ZBP1: variants seen among roughly 807,000 people sequenced by gnomAD.
ZBP1 encodes the protein Z-DNA binding protein 1.
A neutral mutation model predicts 41.1 loss-of-function variants in ZBP1; 42 were observed. The ratio of observed to expected loss-of-function variants is 1.02; its 90% CI spans 0.80 to 1.32. The LOEUF is 1.32. ZBP1 is among the 40% of genes most tolerant of loss of function. The pLI, the probability that ZBP1 is intolerant of heterozygous loss-of-function variation, is 0.00. For missense variants in ZBP1, 562 were observed against 549.7 expected, an observed-to-expected ratio of 1.02 and a Z score of -0.22; for synonymous variants, 214 against 205.2, an observed-to-expected ratio of 1.04 and a Z score of -0.37.
intron 1 of ZBP1, among the ~76,000 whole-genome samples, chr20:57,618,836 C>T (rs2070918032): frequency 1.3e-5 from 2 of 152,210 alleles, no homozygotes; most frequent in South Asian, 4.1e-4. Context: ...GCAACTCAGC[C>T]TCCCAAAGTG....
chr20:57,604,804 G>A (rs746106294), intron 7 of ZBP1, 35 bp from the exon 8 acceptor site: 2 of 1,593,702 alleles, frequency 1.3e-6, no homozygotes, highest in Middle Eastern at 1.7e-4. Context: ...AGCTTCATGG[G>A]CACGTGGCCT....
intron 3 of ZBP1, 105 bp downstream of exon 3, chr20:57,615,407 G>T: frequency 8.0e-7 from 1 of 1,249,982 alleles, no homozygotes; most frequent in Non-Finnish European, 1.2e-6. Context: ...GGGTGGGACA[G>T]GGCCCCTGAA....
In ZBP1 at chr20:57,611,759, C is replaced by G. The variant is rs1226346871; in HGVS notation, c.842G>C (p.Gly281Ala). 5 of 1,612,072 alleles carry G rather than the reference C, an allele frequency of 3.1e-6. No homozygotes were observed. The highest frequency in any genetic ancestry group is 4.2e-6 in the Non-Finnish European group (5 of 1,179,520). ...GCTGCCAGGGGGGATGTGGGCAGGG[C>G]CCTCGGACGGGACGCCGTGGAGCCT... ...EMRLHGVPSE[G>A]PAHIPPGSPP... is the part of the protein sequence containing the mutation. The change falls in exon 6 of 8, where the codon GGC (glycine) becomes GCC (alanine). Residue 281 changes from glycine (G) to alanine (A), a missense_variant. Gly to Ala is a moderately conservative substitution (Grantham distance 60). Coordinates refer to ENST00000371173, the MANE Select transcript of ZBP1 (RefSeq NM_030776.3).
chr20:57,613,031 G>A lies in ZBP1; in HGVS notation c.670+132C>T. 1.3e-6 allele frequency: 2 copies of A among 1,516,940 alleles called. No individual in the cohort carries two copies. The highest frequency in any genetic ancestry group is 2.5e-5 in the South Asian group (2 of 79,288). 94.0% of individuals were successfully genotyped at this position (1,516,940 alleles called of 1,614,324 possible). A position where few individuals can be genotyped will look rare whatever the true frequency, so the allele number is the denominator to read the frequency against. ...GGACGGCCGTAAAGGTGGACTGTGG[G>A]GGTCTGGAAGCAACCCTTTCCCCTT... On this transcript the variant is annotated intron_variant, in intron 5 of 7. Transcript: ENST00000371173. This position sits in a 1 kb window ranked among gnomAD's most constrained non-coding sequence, Gnocchi z 4.5.
intron 1 of ZBP1, 157 bp from the exon 2 acceptor site, chr20:57,616,625 C>A: frequency 1.5e-6 from 1 of 686,784 alleles, no homozygotes; most frequent in Non-Finnish European, 2.4e-6. Flanking sequence ...CCCCTAAGAG[C>A]AGTAGGGCAG....
Position 57,616,478 on chromosome 20 carries a change from C to G in ZBP1, c.35-10G>C, listed in dbSNP as rs769728493. The G allele has an allele frequency of 1.2e-6, 2 of 1,612,466 alleles. No homozygotes were observed. The highest frequency in any genetic ancestry group is 1.1e-5 in the South Asian group (1 of 91,014). The stretch of plus-strand genomic sequence containing the variant: ...CTTTGTTCAAGGTGGCCTGGGGGAG[C>G]GAGCGGGGGACAGAGAGGGGAACTG... On this transcript the variant is annotated splice_polypyrimidine_tract_variant and intron_variant, in intron 1 of 7. Coordinates refer to ENST00000371173, the MANE Select transcript of ZBP1 (RefSeq NM_030776.3).
rs1486403335 is a variant in ZBP1 at position 57,614,140 on chromosome 20, T to C, written c.502+747A>G. ...ACCTCTGCCTCCTAGGTTCAAGCTA[T>C]TCTCTTACCTCAGCCTCCCGAGTAG... On this transcript the variant is annotated intron_variant, in intron 4 of 7. Transcript: ENST00000371173. Among the ~76,000 whole-genome samples, 3 of 152,136 alleles carry C rather than the reference T, an allele frequency of 2.0e-5. No individual in the cohort carries two copies. In the East Asian group the frequency reaches 5.8e-4, roughly 29 times the overall value.
At chr20:57,609,275 A>G (rs2070582772) in intron 7 of ZBP1, among the ~76,000 whole-genome samples, 1 of 152,188 alleles carries the variant, frequency 6.6e-6, no homozygotes, top group Admixed American at 6.5e-5. Context: ...GCAGAGTTGG[A>G]ATCCTCAGGC....
In ZBP1 at chr20:57,613,407, A is replaced by T. The variant is rs2070730594; in HGVS notation, c.503-77T>A. 6.0e-6 allele frequency: 9 copies of T among 1,489,962 alleles called. No individual in the cohort carries two copies. The highest frequency in any genetic ancestry group is 8.2e-6 in the Non-Finnish European group (9 of 1,093,240). The allele number at this position is 1,489,962 out of a possible 1,614,324, so 92.3% of individuals were successfully genotyped here. ...GTTCCCAATACCAGTCGGCAGCACC[A>T]AATTCTCCTGGGGAGCTTGTTAAAA... On this transcript the variant is annotated intron_variant, in intron 4 of 7. Transcript: ENST00000371173. The surrounding 1 kb of genome is among the most constrained non-coding windows in gnomAD (Gnocchi z 4.5).
rs2070640108 is a variant in ZBP1 at position 57,610,675 on chromosome 20, G to A, written c.875-308C>T. ...TCAGCTCCTCTCTCCTCTGCTGCCT[G>A]CTTCCCACTGCACTGGAACACTGGC... On this transcript the variant is annotated intron_variant, in intron 6 of 7. Transcript: ENST00000371173. The surrounding 1 kb of genome is among the most constrained non-coding windows in gnomAD (Gnocchi z 5.5). 2.2e-6 allele frequency: 1 copy of A among 463,474 alleles called. No individual in the cohort carries two copies. Among genetic ancestry groups the A allele is most frequent in the African/African-American group, 2.0e-5 (1 of 51,070 alleles). 28.7% of individuals were successfully genotyped at this position (463,474 alleles called of 1,614,324 possible). A position where few individuals can be genotyped will look rare whatever the true frequency, so the allele number is the denominator to read the frequency against.
At chr20:57,618,906 C>G (rs1023008378) in intron 1 of ZBP1, among the ~76,000 whole-genome samples, 1 of 152,158 alleles carries the variant, frequency 6.6e-6, no homozygotes, top group African/African-American at 2.4e-5. Context: ...GAAGGCTGAC[C>G]TTAGGGAGCC....
At chr20:57,619,656 G>A (rs949713708) in intron 1 of ZBP1, among the ~76,000 whole-genome samples, 4 of 152,076 alleles carry the variant, frequency 2.6e-5, no homozygotes, top group Non-Finnish European at 5.9e-5. Context: ...TAACACCAGC[G>A]TTCGCCAGCT....
intron 3 of ZBP1, 39 bp downstream of exon 3, chr20:57,615,473 C>A (rs1848864153): frequency 1.2e-6 from 2 of 1,606,026 alleles, no homozygotes; most frequent in Non-Finnish European, 8.5e-7. Context: ...GGAGTGGGAT[C>A]CTGTGTCCCG....
rs552061003 is a variant in ZBP1, at chr20:57,620,378, C to T, written c.-83G>A. On this transcript the variant is annotated 5_prime_UTR_variant, in exon 1 of 8. Transcript: ENST00000371173. ...GTGGCCCTGAGAGGGTGGGCTAGGT[C>T]GAGGCTGGGGCTTCTGAAGTGGCCG... The T allele has an allele frequency of 2.5e-4, 371 of 1,496,236 alleles. No homozygotes were observed. In the Middle Eastern group the frequency reaches 4.0e-3, roughly 16 times the overall value. The allele number at this position is 1,496,236 out of a possible 1,614,324, so 92.7% of individuals were successfully genotyped here. A position where few individuals can be genotyped will look rare whatever the true frequency, so the allele number is the denominator to read the frequency against.
In ZBP1 at chr20:57,610,233, T is replaced by C. The variant is rs1157179713; in HGVS notation, c.1009A>G (p.Ser337Gly). 1.9e-6 allele frequency: 3 copies of C among 1,614,220 alleles called. No individual in the cohort carries two copies. The highest frequency in any genetic ancestry group is 2.2e-5 in the East Asian group (1 of 44,886). The change falls in exon 7 of 8, where the codon AGC becomes GGC. Residue 337 changes from serine to glycine, a missense_variant. Coordinates refer to ENST00000371173, the MANE Select transcript of ZBP1 (RefSeq NM_030776.3). This position sits in a 1 kb window ranked among gnomAD's most constrained non-coding sequence, Gnocchi z 5.5. ...CFLEDATIGNSNKMSISPGVA... is the reference protein window; with the variant it reads ...CFLEDATIGNGNKMSISPGVA... ...CCTGGGCTGATAGACATTTTGTTGC[T>C]GTTGCCGATGGTGGCGTCCTCGAGA...
Position 57,614,939 on chromosome 20 carries a change from C to A in ZBP1, c.450G>T (p.Arg150Ser), listed in dbSNP as rs578236497. ...VNRDLYRMKS[R>S]HLLDMDEQSK... is the part of the protein sequence containing the mutation. Reference sequence around the variant, plus strand: ...ACTGCTCATCCATGTCCAGAAGGTGCCTGCTCTTCATCCTGTACAAGTCTC... The same window carrying A: ...ACTGCTCATCCATGTCCAGAAGGTGACTGCTCTTCATCCTGTACAAGTCTC... Residue 150 changes from arginine to serine, a missense_variant, in exon 4 of 8, where the codon AGG becomes AGT. By Grantham distance (110) the Arg-to-Ser change is moderately radical. Coordinates refer to ENST00000371173, the MANE Select transcript of ZBP1 (RefSeq NM_030776.3). 13 of 1,614,082 alleles carry A rather than the reference C, an allele frequency of 8.1e-6. No homozygotes were observed. Among genetic ancestry groups the A allele is most frequent in the Non-Finnish European group, 1.1e-5 (13 of 1,180,052 alleles).
At chr20:57,607,935 A>G (rs764521508) in intron 7 of ZBP1, among the ~76,000 whole-genome samples, 1 of 152,184 alleles carries the variant, frequency 6.6e-6, no homozygotes, top group Non-Finnish European at 1.5e-5. Context: ...GAAATCAAAA[A>G]TTTGCATGAC....
At chr20:57,615,411 C>A in intron 3 of ZBP1, 101 bp downstream of exon 3, 1 of 1,289,630 alleles carries the variant, frequency 7.8e-7, no homozygotes, top group South Asian at 1.2e-5. Context: ...GGGACAGGGC[C>A]CCTGAACACT....
chr20:57,614,802 C>T, intron 4 of ZBP1, 85 bp downstream of exon 4: 1 of 1,527,866 alleles, frequency 6.5e-7, no homozygotes, highest in Non-Finnish European at 8.9e-7. Flanking sequence ...TTCCGGTGAG[C>T]TGCTCAGCAG....
Sources: gnomAD v4.1 joint callset for allele counts (sites outside exome capture counted in the v4.1 genomes callset) on GRCh38, gnomAD v4.1.1 for gene constraint, Gnocchi (gnomAD v3.1) non-coding constraint, MANE v1.5 for transcripts, NCBI Gene and HGNC (gene_info 2026-07-23, HGNC 2026-07-21) for gene names.